Variants in PPP1R42 observed in about 807,000 individuals in gnomAD.
PPP1R42 encodes protein phosphatase 1 regulatory subunit 42.
A neutral mutation model predicts 31.0 loss-of-function variants in PPP1R42; 34 were observed. That is an observed-to-expected ratio of 1.10 (90% confidence interval 0.83 to 1.46). The LOEUF (loss-of-function observed/expected upper bound fraction) is 1.46, where lower values mean the gene tolerates loss of function less well. Ranked by LOEUF, PPP1R42 falls within the 40% of genes most tolerant of loss-of-function variation. The pLI is 0.00. For missense variants in PPP1R42, 268 were observed against 303.0 expected, an observed-to-expected ratio of 0.88 and a Z score of 0.86; for synonymous variants, 103 against 109.8, an observed-to-expected ratio of 0.94 and a Z score of 0.39.
intron 5 of PPP1R42, among the ~76,000 whole-genome samples, chr8:67,002,546 T>C (rs1815526385): frequency 6.6e-6 from 1 of 152,174 alleles, no homozygotes; most frequent in Non-Finnish European, 1.5e-5. Flanking sequence ...TTTACTGTAG[T>C]GTACTTTGGT....
chr8:66,986,202 A>C, intron 6 of PPP1R42: 1 of 568,888 alleles, frequency 1.8e-6, no homozygotes, highest in Non-Finnish European at 3.3e-6. Context: ...AGCCTCCCAA[A>C]TTGCTGGGAT....
chr8:66,964,557 T>C (rs1814330881), intron 7 of PPP1R42, among the ~76,000 whole-genome samples: 1 of 152,098 alleles, frequency 6.6e-6, no homozygotes, highest in African/African-American at 2.4e-5. Flanking sequence ...GTGAGAGGTA[T>C]GGAAATAATA....
intron 7 of PPP1R42, among the ~76,000 whole-genome samples, chr8:66,981,072 C>A (rs1489487228): frequency 6.6e-6 from 1 of 152,062 alleles, no homozygotes; most frequent in East Asian, 1.9e-4. Flanking sequence ...GAACTCCTGA[C>A]CTCATGTGAT....
At chr8:66,993,476 T>A (rs1815248981) in intron 5 of PPP1R42, among the ~76,000 whole-genome samples, 1 of 152,216 alleles carries the variant, frequency 6.6e-6, no homozygotes. Context: ...TTCTTATCCC[T>A]CATATTTGCC....
intron 7 of PPP1R42, among the ~76,000 whole-genome samples, chr8:66,980,763 A>G (rs377343177): frequency 3.3e-5 from 5 of 152,116 alleles, no homozygotes; most frequent in East Asian, 3.9e-4. Flanking sequence ...GTAGAACAAG[A>G]ACATTAGCAT....
chr8:67,004,868 G>A (rs1815624332), intron 5 of PPP1R42, among the ~76,000 whole-genome samples: 1 of 152,106 alleles, frequency 6.6e-6, no homozygotes, highest in Non-Finnish European at 1.5e-5. Context: ...TCTCACTGTG[G>A]GGCAACTGGG....
chr8:67,024,700 A>G (rs1009680596), intron 1 of PPP1R42, among the ~76,000 whole-genome samples: 2 of 151,520 alleles, frequency 1.3e-5, no homozygotes, highest in Admixed American at 1.3e-4. Context: ...GATGGCCTCC[A>G]TCTCCAGACC....
At chr8:66,986,426 C>T (rs1009439922) in intron 6 of PPP1R42, among the ~76,000 whole-genome samples, 1 of 152,096 alleles carries the variant, frequency 6.6e-6, no homozygotes, top group Non-Finnish European at 1.5e-5. Context: ...AGACGGAGGC[C>T]GAAAGTTAAA....
At chr8:67,026,273 G>C (rs565275802) in intron 1 of PPP1R42, among the ~76,000 whole-genome samples, 11 of 152,110 alleles carry the variant, frequency 7.2e-5, no homozygotes, top group African/African-American at 2.4e-4. Context: ...AGGAGGCAGA[G>C]GTTGTGGTGA....
intron 5 of PPP1R42, among the ~76,000 whole-genome samples, chr8:67,005,452 A>G (rs1327657882): frequency 6.6e-6 from 1 of 152,090 alleles, no homozygotes; most frequent in Non-Finnish European, 1.5e-5. Flanking sequence ...TTTAAATATC[A>G]TGTAAATGCT....
At chr8:67,007,044 CTT>C (rs759204581) in intron 5 of PPP1R42, among the ~76,000 whole-genome samples, 5 of 142,442 alleles carry the variant, frequency 3.5e-5, no homozygotes, top group South Asian at 2.2e-4. Flanking sequence ...CGCCCGGCCT[CTT>C]TTTTTTTTTT....
intron 5 of PPP1R42, among the ~76,000 whole-genome samples, chr8:66,997,974 A>G (rs1188727652): frequency 6.6e-6 from 1 of 152,184 alleles, no homozygotes; most frequent in Non-Finnish European, 1.5e-5. Context: ...AGATCAATTG[A>G]AAAGGAATTA....
At chr8:67,013,849 C>G (rs961464390) in intron 3 of PPP1R42, among the ~76,000 whole-genome samples, 11 of 152,186 alleles carry the variant, frequency 7.2e-5, no homozygotes, top group Non-Finnish European at 1.2e-4. Flanking sequence ...TCTTGTGTCC[C>G]CATTCTGAGG....
At position 67,010,741 on chromosome 8, in the gene PPP1R42, C is replaced by T. The variant is rs200466525; in HGVS notation, c.526G>A (p.Val176Ile). ...LLENLNQLIA[V>I]DNQLLHVKDL... ...TTCACATGCAGAAGTTGGTTGTCAA[C>T]GGCTATGAGCTGATTAAGATTCTCT... The change falls in exon 5 of 8, where the codon GTT becomes ATT. Residue 176 changes from valine to isoleucine, a missense_variant. Coordinates refer to ENST00000685739, the MANE Select transcript of PPP1R42 (RefSeq NM_001364910.1). 2.8e-5 allele frequency: 45 copies of T among 1,603,530 alleles called. No homozygotes were observed. Among genetic ancestry groups the T allele is most frequent in the Admixed American group, 6.8e-5 (4 of 58,824 alleles).
In PPP1R42 at chr8:66,964,228, C is replaced by A. The variant is rs1814320775; in HGVS notation, c.*93G>T. On this transcript the variant is annotated 3_prime_UTR_variant, in exon 8 of 8. Coordinates refer to ENST00000685739, the MANE Select transcript of PPP1R42 (RefSeq NM_001364910.1). Reference sequence around the variant, plus strand: ...CCTGTCACTTGAGGCTGAATTTACTCATTTTCCACAAACAAATTTTCTTTT... The same window carrying A: ...CCTGTCACTTGAGGCTGAATTTACTAATTTTCCACAAACAAATTTTCTTTT... 1 of 899,250 alleles carries A rather than the reference C, an allele frequency of 1.1e-6. No homozygotes were observed. The highest frequency in any genetic ancestry group is 1.6e-6 in the Non-Finnish European group (1 of 633,350). 55.7% of individuals were successfully genotyped at this position (899,250 alleles called of 1,614,324 possible). A position where few individuals can be genotyped will look rare whatever the true frequency, so the allele number is the denominator to read the frequency against.
In PPP1R42 at chr8:66,984,368, C is replaced by T. The variant is rs556984915; in HGVS notation, c.671-2188G>A. 321 of 1,309,680 alleles carry T rather than the reference C, an allele frequency of 2.5e-4. 1 individual carries two copies. In the South Asian group the frequency reaches 3.5e-3, roughly 14 times the overall value. 81.1% of individuals were successfully genotyped at this position (1,309,680 alleles called of 1,614,324 possible). On this transcript the variant is annotated intron_variant, in intron 6 of 7. Transcript: ENST00000685739. ...TCTCCCTTTGTGTTAGATGTCTGTT[C>T]ATCCCACTTTATCCGATGCAGCATA...
At chr8:66,971,032 G>A in intron 7 of PPP1R42, 1 of 1,530,312 alleles carries the variant, frequency 6.5e-7, no homozygotes, top group South Asian at 1.2e-5. Context: ...TTCTGGAGAT[G>A]CATTTGCATT....
chr8:66,986,511 C>G (rs1203397928), intron 6 of PPP1R42, among the ~76,000 whole-genome samples: 1 of 152,204 alleles, frequency 6.6e-6, no homozygotes, highest in Non-Finnish European at 1.5e-5. Context: ...CCGCTGTCTC[C>G]CAACACGTGA....
At chr8:67,011,673 A>T (rs1300157800) in intron 4 of PPP1R42, among the ~76,000 whole-genome samples, 2 of 152,234 alleles carry the variant, frequency 1.3e-5, no homozygotes, top group East Asian at 1.9e-4. Context: ...ACTACTTAAA[A>T]TAATAATTAG....
Sources: allele counts gnomAD v4.1 joint callset (sites outside exome capture counted in the v4.1 genomes callset), GRCh38; gene constraint gnomAD v4.1.1; transcripts MANE v1.5; gene names NCBI Gene and HGNC (gene_info 2026-07-23, HGNC 2026-07-21).